SH3KBP1: variants seen among roughly 807,000 people sequenced by gnomAD.
SH3KBP1 encodes the protein SH3 domain containing kinase binding protein 1.
A neutral mutation model predicts 50.1 loss-of-function variants in SH3KBP1; 8 were observed. The observed-to-expected ratio is 0.16, with a 90% CI of 0.09 to 0.29. SH3KBP1 has a LOEUF of 0.29. Ranked by LOEUF, SH3KBP1 falls within the 10% of genes least tolerant of loss-of-function variation. The pLI is 1.00. For synonymous variants in SH3KBP1, 227 were observed against 218.6 expected (o/e 1.04, Z -0.34); for missense variants, 377 against 535.2 (o/e 0.70, Z 2.92).
chrX:19,574,586 G>A (rs758931683), intron 12 of SH3KBP1, among the ~76,000 whole-genome samples: 3 of 112,301 alleles, frequency 2.7e-5, no homozygotes, highest in African/African-American at 9.7e-5. Context: ...AAGGGAGAGG[G>A]GTTTCTTTTA....
At chrX:19,704,189 A>C (rs1406165115) in intron 4 of SH3KBP1, among the ~76,000 whole-genome samples, 3 of 112,444 alleles carry the variant, frequency 2.7e-5, no homozygotes, top group Non-Finnish European at 5.6e-5. Flanking sequence ...TATTTGAAGC[A>C]AGTCCAGAAT....
chrX:19,815,792 G>A (rs1162506913), intron 2 of SH3KBP1, among the ~76,000 whole-genome samples: 2 of 111,789 alleles, frequency 1.8e-5, no homozygotes, highest in Admixed American at 9.5e-5. Context: ...CACACAGCAC[G>A]ATGCCCCTGA....
rs180687744 is a variant in SH3KBP1 at position 19,574,763 on chromosome X, C to T, written c.1299-5575G>A. Among the ~76,000 whole-genome samples, 269 of 112,319 alleles carry T rather than the reference C, an allele frequency of 2.4e-3. 9 individuals carry two copies. The East Asian group carries it at 0.068, about 28-fold the overall frequency. Reference sequence around the variant, plus strand: ...CACAGACTTGAGTATAGTGTCAACGCTTTTTAAACAAAAAAATTCTTGCAG... The same window carrying T: ...CACAGACTTGAGTATAGTGTCAACGTTTTTTAAACAAAAAAATTCTTGCAG... On this transcript the variant is annotated intron_variant, in intron 12 of 17. Coordinates refer to ENST00000397821, the MANE Select transcript of SH3KBP1 (RefSeq NM_031892.3).
chrX:19,565,097 T>C (rs919598966), intron 13 of SH3KBP1, among the ~76,000 whole-genome samples: 8 of 96,335 alleles, frequency 8.3e-5, no homozygotes, highest in Non-Finnish European at 1.4e-4. Context: ...GTCTCGCTCT[T>C]GTCCCCCAGG....
At chrX:19,662,044 A>G (rs1321785682) in intron 6 of SH3KBP1, among the ~76,000 whole-genome samples, 1 of 112,020 alleles carries the variant, frequency 8.9e-6, no homozygotes, top group African/African-American at 3.2e-5. Flanking sequence ...ACATCTCCCA[A>G]CTAGAAATCA....
intron 12 of SH3KBP1, among the ~76,000 whole-genome samples, chrX:19,580,388 G>A (rs893234427): frequency 1.8e-5 from 2 of 111,084 alleles, no homozygotes; most frequent in African/African-American, 3.3e-5. Flanking sequence ...ACGCTTGGCC[G>A]CTTGCCCATT....
At chrX:19,726,470 T>C (rs1365901331) in intron 3 of SH3KBP1, among the ~76,000 whole-genome samples, 1 of 111,008 alleles carries the variant, frequency 9.0e-6, no homozygotes, top group African/African-American at 3.3e-5. Flanking sequence ...TGCATTAAGG[T>C]CCTAATTCTT....
At chrX:19,666,694 A>G (rs1025743569) in intron 6 of SH3KBP1, among the ~76,000 whole-genome samples, 1 of 111,960 alleles carries the variant, frequency 8.9e-6, no homozygotes, top group Non-Finnish European at 1.9e-5. Context: ...CAAACAGAAA[A>G]TAACAAGTGA....
At position 19,866,879 on chromosome X, in the gene SH3KBP1, C is replaced by T. The variant is rs750882307; in HGVS notation, c.4+20428G>A. Among the ~76,000 whole-genome samples, 6 of 108,917 alleles carry T rather than the reference C, an allele frequency of 5.5e-5. No homozygotes were observed. The East Asian group carries it at 1.1e-3, about 21-fold the overall frequency. 94.6% of individuals were successfully genotyped at this position (108,917 alleles called of 115,157 possible). A position where few individuals can be genotyped will look rare whatever the true frequency, so the allele number is the denominator to read the frequency against. ...TTAGGCCTCTTGAGAGAAATACTAT[C>T]CAAACGTAAACAGACCTTACAACAC... On this transcript the variant is annotated intron_variant, in intron 1 of 17. Transcript: ENST00000397821.
intron 8 of SH3KBP1, among the ~76,000 whole-genome samples, chrX:19,629,189 G>A (rs16981241): frequency 0.031 from 3,421 of 109,904 alleles, 145 homozygotes; most frequent in African/African-American, 0.11. Flanking sequence ...CATGGTCTGA[G>A]TCAAGTTAGT....
At chrX:19,783,898 G>A (rs757507882) in intron 2 of SH3KBP1, among the ~76,000 whole-genome samples, 1 of 111,523 alleles carries the variant, frequency 9.0e-6, no homozygotes, top group South Asian at 3.7e-4. Flanking sequence ...TATTTTCCAA[G>A]AGTTACTTCC....
chrX:19,694,945 C>G (rs747779693), intron 5 of SH3KBP1: 2 of 1,061,191 alleles, frequency 1.9e-6, no homozygotes, highest in Middle Eastern at 2.5e-4. Flanking sequence ...GATACACAGA[C>G]GCCCACAGTT....
At chrX:19,713,279 T>C (rs2063823070) in intron 3 of SH3KBP1, among the ~76,000 whole-genome samples, 1 of 110,449 alleles carries the variant, frequency 9.1e-6, no homozygotes, top group African/African-American at 3.3e-5. Flanking sequence ...CTTTTTTTTT[T>C]TGAGACAGGG....
chrX:19,729,513 G>A (rs1392365646), intron 3 of SH3KBP1, among the ~76,000 whole-genome samples: 7 of 112,522 alleles, frequency 6.2e-5, no homozygotes, highest in Non-Finnish European at 1.3e-4. Flanking sequence ...AGTGAGAAAA[G>A]TGAAATCACA....
At chrX:19,777,697 T>C (rs1483982) in intron 2 of SH3KBP1, among the ~76,000 whole-genome samples, 30,731 of 110,288 alleles carry the variant, frequency 0.28, 4,979 homozygotes, top group African/African-American at 0.62. Flanking sequence ...CAGCGCCTTA[T>C]TCTGCCTACT....
At chrX:19,843,633 G>A (rs962628069) in intron 1 of SH3KBP1, among the ~76,000 whole-genome samples, 6 of 110,831 alleles carry the variant, frequency 5.4e-5, no homozygotes, top group Admixed American at 1.9e-4. Flanking sequence ...CTCAGAACAC[G>A]GACCCCAGTG....
At chrX:19,686,923 T>C (rs892257674) in intron 5 of SH3KBP1, among the ~76,000 whole-genome samples, 13 of 112,103 alleles carry the variant, frequency 1.2e-4, no homozygotes, top group African/African-American at 1.9e-4. Flanking sequence ...TCTTCCAGCA[T>C]TGATCAGTTG....
At chrX:19,588,920 A>C in intron 11 of SH3KBP1, 118 bp from the exon 12 acceptor site, 1 of 644,278 alleles carries the variant, frequency 1.6e-6, no homozygotes, top group Non-Finnish European at 2.2e-6. Flanking sequence ...TCTGAAGGTG[A>C]TCATGGAAGG....
In SH3KBP1 at chrX:19,592,047, A is replaced by G; in HGVS notation, c.1138+20T>C. The G allele has an allele frequency of 8.7e-7, 1 of 1,153,653 alleles. No individual in the cohort carries two copies. Among genetic ancestry groups the G allele is most frequent in the Non-Finnish European group, 1.2e-6 (1 of 842,929 alleles). ...AGCTCCTGCTGTTCTGGAAGTGCCAATGAAGAATTGATTTCATACCTTTTT... is the reference window on the plus strand; with the variant it reads ...AGCTCCTGCTGTTCTGGAAGTGCCAGTGAAGAATTGATTTCATACCTTTTT... On this transcript the variant is annotated intron_variant, in intron 11 of 17. Transcript: ENST00000397821.
Sources: allele counts gnomAD v4.1 joint callset (sites outside exome capture counted in the v4.1 genomes callset), GRCh38; gene constraint gnomAD v4.1.1; transcripts MANE v1.5; gene names NCBI Gene and HGNC (gene_info 2026-07-23, HGNC 2026-07-21).